NDUFA5: variants seen among roughly 807,000 people sequenced by gnomAD.
NDUFA5 encodes NADH dehydrogenase [ubiquinone] 1 alpha subcomplex subunit 5.
Under a neutral mutation model 19.8 loss-of-function variants are expected in NDUFA5, and 11 were observed. That is an observed-to-expected ratio of 0.56 (90% CI 0.35 to 0.92). NDUFA5 has a LOEUF of 0.92. Ranked by LOEUF, NDUFA5 falls within the 40% of genes least tolerant of loss-of-function variation. The probability of loss-of-function intolerance (pLI) is 0.01; values close to 1 mark genes in which losing one functional copy is unlikely to be tolerated. For synonymous variants in NDUFA5, 47 were observed against 46.8 expected (o/e 1.00, Z -0.01); for missense variants, 109 against 134.2 (o/e 0.81, Z 0.93).
chr7:123,593,984 ACT>A, the NDUFA5 span, among the ~76,000 whole-genome samples: 3 of 149,988 alleles, frequency 2.0e-5, no homozygotes, highest in Non-Finnish European at 3.0e-5. Context: ...ATTTCTTTTC[ACT>A]CTTTTTTCTC....
the NDUFA5 span, among the ~76,000 whole-genome samples, chr7:123,585,827 G>C: frequency 6.6e-6 from 1 of 151,800 alleles, no homozygotes; most frequent in Non-Finnish European, 1.5e-5. Flanking sequence ...ATATCATGCA[G>C]TATTTGTCTT....
At chr7:123,594,327 A>C in the NDUFA5 span, among the ~76,000 whole-genome samples, 1 of 152,052 alleles carries the variant, frequency 6.6e-6, no homozygotes, top group African/African-American at 2.4e-5. Context: ...CCTTGCTGGC[A>C]AGGAGTTGTG....
the NDUFA5 span, among the ~76,000 whole-genome samples, chr7:123,588,715 C>A: frequency 6.6e-6 from 1 of 151,102 alleles, no homozygotes; most frequent in African/African-American, 2.4e-5. Context: ...TACTGCTATG[C>A]TCTTCCCTTT....
At chr7:123,575,704 A>G in the NDUFA5 span, among the ~76,000 whole-genome samples, 1 of 151,660 alleles carries the variant, frequency 6.6e-6, no homozygotes, top group Admixed American at 6.6e-5. Context: ...TTGTTTGCTT[A>G]TATTTTCTTT....
the NDUFA5 span, chr7:123,584,777 G>A: frequency 6.6e-6 from 1 of 151,886 alleles, no homozygotes; most frequent in South Asian, 2.1e-4. Flanking sequence ...GAATAAATAT[G>A]TCAGGAATAT....
rs963178164 is a variant in NDUFA5, at chr7:123,538,123, T to C, written c.*3996A>G. ...TTTTTTTTTATTCCTATGTGTAATT[T>C]ACCATGTTCCAATTCCCCACCACCA... On this transcript the variant is annotated 3_prime_UTR_variant, in exon 5 of 5. Transcript: ENST00000355749. 2 of 152,216 alleles carry C rather than the reference T, an allele frequency of 1.3e-5. No homozygotes were observed. Among genetic ancestry groups the C allele is most frequent in the Admixed American group, 1.3e-4 (2 of 15,278 alleles). The allele number at this position is 152,216 out of a possible 1,614,324, so 9.4% of individuals were successfully genotyped here. A position where few individuals can be genotyped will look rare whatever the true frequency, so the allele number is the denominator to read the frequency against.
the NDUFA5 span, among the ~76,000 whole-genome samples, chr7:123,594,749 A>C: frequency 6.6e-6 from 1 of 152,122 alleles, no homozygotes; most frequent in Non-Finnish European, 1.5e-5. Context: ...TCAGGGACCC[A>C]CTTAAGGAGG....
chr7:123,589,327 T>G, the NDUFA5 span, among the ~76,000 whole-genome samples: 3 of 123,912 alleles, frequency 2.4e-5, no homozygotes, highest in Non-Finnish European at 3.6e-5. Context: ...TTATTATCAT[T>G]ATTATTATTA....
the NDUFA5 span, among the ~76,000 whole-genome samples, chr7:123,571,112 T>C: frequency 7.0e-3 from 1,061 of 152,328 alleles, 12 homozygotes; most frequent in African/African-American, 0.024. Flanking sequence ...TTTTAAGGAA[T>C]AAATGATCAT....
At chr7:123,591,896 C>G in the NDUFA5 span, among the ~76,000 whole-genome samples, 1 of 152,108 alleles carries the variant, frequency 6.6e-6, no homozygotes, top group African/African-American at 2.4e-5. Flanking sequence ...CTTTGTACCT[C>G]TGGTAGAATT....
At chr7:123,557,527 C>G in intron 1 of NDUFA5, 79 bp from the exon 2 acceptor site, 4 of 1,611,366 alleles carry the variant, frequency 2.5e-6, no homozygotes, top group Non-Finnish European at 3.4e-6. Context: ...TACAAAACCA[C>G]GAATCCCCCG....
At chr7:123,552,917 G>C (rs1798407367) in intron 2 of NDUFA5, among the ~76,000 whole-genome samples, 1 of 152,154 alleles carries the variant, frequency 6.6e-6, no homozygotes, top group African/African-American at 2.4e-5. Flanking sequence ...TTTGCTACTT[G>C]CATTCAGCTC....
Position 123,557,311 on chromosome 7 carries a change from C to T in NDUFA5, c.66+93G>A, listed in dbSNP as rs551630428. 173 of 1,567,720 alleles carry T rather than the reference C, an allele frequency of 1.1e-4. 1 individual carries two copies. In the South Asian group the frequency reaches 1.6e-3, roughly 15 times the overall value. On this transcript the variant is annotated intron_variant, in intron 2 of 4. Transcript: ENST00000355749. ...GCGGCTTGTAATTAAGGGCTTGAAACATCTGTATCCCGTTAACCCTGCAAT... is the reference window on the plus strand; with the variant it reads ...GCGGCTTGTAATTAAGGGCTTGAAATATCTGTATCCCGTTAACCCTGCAAT...
chr7:123,577,613 G>A, the NDUFA5 span, among the ~76,000 whole-genome samples: 1 of 152,072 alleles, frequency 6.6e-6, no homozygotes, highest in African/African-American at 2.4e-5. Context: ...ACTCCAAAAT[G>A]TGGTCCTCTT....
rs1195980215 is a variant in NDUFA5 at position 123,540,888 on chromosome 7, GTGCACA to G, written c.*1225_*1230del. 18 of 83,816 alleles carry G rather than the reference GTGCACA, an allele frequency of 2.1e-4. No homozygotes were observed. Among genetic ancestry groups the G allele is most frequent in the Admixed American group, 1.9e-3 (14 of 7,186 alleles). 5.2% of individuals were successfully genotyped at this position (83,816 alleles called of 1,614,324 possible). On this transcript the variant is annotated 3_prime_UTR_variant, in exon 5 of 5. Transcript: ENST00000355749. ...ATTCTGAGCAAATGTGCGCATGCGC[GTGCACA>G]CACACACACACACACACACACACAC... is the stretch of plus-strand genomic sequence containing the variant.
the NDUFA5 span, among the ~76,000 whole-genome samples, chr7:123,585,635 T>TTGTG: frequency 1.0e-3 from 152 of 147,516 alleles, no homozygotes; most frequent in Admixed American, 4.7e-3. Context: ...TAGTTACTAT[T>TTGTG]TGTGTGTGTG....
At chr7:123,593,898 C>T in the NDUFA5 span, among the ~76,000 whole-genome samples, 1 of 152,164 alleles carries the variant, frequency 6.6e-6, no homozygotes, top group Non-Finnish European at 1.5e-5. Context: ...CAATTCTCCC[C>T]GTCACTTTCA....
chr7:123,568,739 A>T, the NDUFA5 span, among the ~76,000 whole-genome samples: 1 of 152,150 alleles, frequency 6.6e-6, no homozygotes, highest in Non-Finnish European at 1.5e-5. Context: ...ATAAATATGC[A>T]TTATTAATGT....
At chr7:123,600,727 T>C in the NDUFA5 span, among the ~76,000 whole-genome samples, 4 of 152,186 alleles carry the variant, frequency 2.6e-5, no homozygotes. Flanking sequence ...CCTTCTTTTA[T>C]CACAGTTAAA....
Sources: allele counts gnomAD v4.1 joint callset (sites outside exome capture counted in the v4.1 genomes callset), GRCh38; gene constraint gnomAD v4.1.1; transcripts MANE v1.5; gene names NCBI Gene and HGNC (gene_info 2026-07-23, HGNC 2026-07-21).